Variants in WDFY2 observed in about 807,000 individuals in gnomAD.
WDFY2 encodes WD repeat and FYVE domain containing 2, also known as WD repeat and FYVE domain-containing protein 2.
WDFY2 carries 36 observed loss-of-function variants against 56.4 expected under a neutral mutation model. That is an observed-to-expected ratio of 0.64 (90% CI 0.49 to 0.84). The LOEUF is 0.84. Ranked by LOEUF, WDFY2 falls within the 40% of genes least tolerant of loss-of-function variation. The probability of loss-of-function intolerance (pLI) is 0.00; values close to 1 mark genes in which losing one functional copy is unlikely to be tolerated. For synonymous variants in WDFY2, 176 were observed against 183.7 expected (o/e 0.96, Z 0.34); for missense variants, 444 against 512.2 (o/e 0.87, Z 1.29).
At chr13:51,654,307 C>G (rs779243647) in intron 1 of WDFY2, among the ~76,000 whole-genome samples, 3 of 152,186 alleles carry the variant, frequency 2.0e-5, no homozygotes, top group African/African-American at 7.2e-5. Context: ...TCTTTCACCC[C>G]TTTCCTTGGC....
chr13:51,593,859 T>G (rs1238921775), intron 1 of WDFY2: 1 of 152,220 alleles, frequency 6.6e-6, no homozygotes, highest in Non-Finnish European at 1.5e-5. Flanking sequence ...TCATTTTTTG[T>G]ATAGAAAACA....
intron 1 of WDFY2, among the ~76,000 whole-genome samples, chr13:51,650,686 C>T (rs902485285): frequency 5.3e-5 from 8 of 152,154 alleles, no homozygotes; most frequent in South Asian, 2.1e-4. Flanking sequence ...TGGTTTTTAT[C>T]GTTGGTTCTG....
At chr13:51,721,834 G>A (rs1214354297) in intron 5 of WDFY2, among the ~76,000 whole-genome samples, 1 of 152,166 alleles carries the variant, frequency 6.6e-6, no homozygotes, top group Non-Finnish European at 1.5e-5. Context: ...TTTTGCCAGA[G>A]GGTCTCAGCC....
chr13:51,584,988 C>T (rs1953908853), intron 1 of WDFY2, among the ~76,000 whole-genome samples, 164 bp downstream of exon 1: 1 of 152,246 alleles, frequency 6.6e-6, no homozygotes, highest in Admixed American at 6.5e-5. Flanking sequence ...CTGCGCGCCG[C>T]CTCCGCTGTG....
intron 1 of WDFY2, among the ~76,000 whole-genome samples, chr13:51,654,571 C>G (rs1208620121): frequency 2.6e-5 from 4 of 152,138 alleles, no homozygotes; most frequent in Non-Finnish European, 4.4e-5. Flanking sequence ...CCCCCAATAC[C>G]CTAACCTCTG....
Position 51,598,994 on chromosome 13 carries a change from C to T in WDFY2, c.137+14170C>T, listed in dbSNP as rs909412486. ...TATAATCTCGTCTCACTGCAACCTC[C>T]GCCTTCCAGGTTCAAGCGATTCTCC... On this transcript the variant is annotated intron_variant, in intron 1 of 11. Coordinates refer to ENST00000298125, the MANE Select transcript of WDFY2 (RefSeq NM_052950.4). 4.0e-5 allele frequency among the ~76,000 whole-genome samples: 6 copies of T among 151,406 alleles called. No homozygotes were observed. In the East Asian group the frequency reaches 5.8e-4, roughly 15 times the overall value.
chr13:51,683,933 A>T (rs908937322), intron 3 of WDFY2, among the ~76,000 whole-genome samples: 32 of 152,178 alleles, frequency 2.1e-4, no homozygotes, highest in Admixed American at 5.9e-4. Flanking sequence ...TCTTTCCAAG[A>T]TGTGTGCCCT....
At chr13:51,740,598 C>T (rs1166429306) in intron 7 of WDFY2, among the ~76,000 whole-genome samples, 1 of 151,976 alleles carries the variant, frequency 6.6e-6, no homozygotes, top group Admixed American at 6.6e-5. Flanking sequence ...CCTGTAATCC[C>T]AGCTACTCGG....
intron 3 of WDFY2, among the ~76,000 whole-genome samples, chr13:51,690,066 GT>G (rs1258791191): frequency 6.6e-6 from 1 of 151,494 alleles, no homozygotes; most frequent in Non-Finnish European, 1.5e-5. Flanking sequence ...TAAATTTTTT[GT>G]TTTGGAAAAA....
At chr13:51,621,191 C>T (rs1000401613) in intron 1 of WDFY2, among the ~76,000 whole-genome samples, 2 of 152,116 alleles carry the variant, frequency 1.3e-5, no homozygotes, top group Non-Finnish European at 2.9e-5. Flanking sequence ...ATGTGCAGAA[C>T]AAGTATATTA....
intron 1 of WDFY2, among the ~76,000 whole-genome samples, chr13:51,627,784 A>G (rs1161866034): frequency 6.6e-6 from 1 of 152,152 alleles, no homozygotes; most frequent in African/African-American, 2.4e-5. Context: ...AACAGCTCAG[A>G]GGAGCCTGCA....
chr13:51,639,286 G>T (rs527515628), intron 1 of WDFY2, among the ~76,000 whole-genome samples: 1 of 152,094 alleles, frequency 6.6e-6, no homozygotes, highest in Non-Finnish European at 1.5e-5. Flanking sequence ...TGATTTATGG[G>T]ATTTATTAAC....
chr13:51,675,073 G>A (rs1181258961), intron 2 of WDFY2, 97 bp from the exon 3 acceptor site: 1 of 1,050,124 alleles, frequency 9.5e-7, no homozygotes, highest in Non-Finnish European at 1.4e-6. Flanking sequence ...GGAGATAGTG[G>A]GGAAAGTACA....
At chr13:51,678,307 C>G (rs1955921272) in intron 3 of WDFY2, among the ~76,000 whole-genome samples, 1 of 152,138 alleles carries the variant, frequency 6.6e-6, no homozygotes, top group South Asian at 2.1e-4. Flanking sequence ...TCTGGTAGAT[C>G]TTATTGTGGC....
chr13:51,675,789 T>G (rs189751246), intron 3 of WDFY2, among the ~76,000 whole-genome samples: 35 of 152,312 alleles, frequency 2.3e-4, no homozygotes, highest in Middle Eastern at 3.4e-3. Context: ...TGTAGATAGA[T>G]CCACATAAAT....
chr13:51,708,780 C>T (rs1952145372), intron 4 of WDFY2, among the ~76,000 whole-genome samples: 1 of 152,034 alleles, frequency 6.6e-6, no homozygotes, highest in African/African-American at 2.4e-5. Context: ...GTGTGTTTTA[C>T]ATATAAAGAC....
At chr13:51,751,954 C>T (rs1953247823) in intron 8 of WDFY2, among the ~76,000 whole-genome samples, 1 of 152,146 alleles carries the variant, frequency 6.6e-6, no homozygotes, top group Non-Finnish European at 1.5e-5. Flanking sequence ...TCATTTTAAT[C>T]TTTGAGCATC....
chr13:51,617,006 A>G (rs938302059), intron 1 of WDFY2, among the ~76,000 whole-genome samples: 2 of 152,234 alleles, frequency 1.3e-5, no homozygotes, highest in African/African-American at 4.8e-5. Context: ...GTGAAAGATA[A>G]AATGATTCGT....
intron 6 of WDFY2, among the ~76,000 whole-genome samples, chr13:51,736,418 A>G (rs1952837527): frequency 6.6e-6 from 1 of 152,172 alleles, no homozygotes; most frequent in Admixed American, 6.5e-5. Flanking sequence ...TTTCTCTTCT[A>G]TCCCCATAAA....
Sources: allele counts gnomAD v4.1 joint callset (sites outside exome capture counted in the v4.1 genomes callset), GRCh38; gene constraint gnomAD v4.1.1; transcripts MANE v1.5; gene names NCBI Gene and HGNC (gene_info 2026-07-23, HGNC 2026-07-21).